The following AKAP12 variants were observed in gnomAD, a reference collection of about 807,000 sequenced individuals.
The protein encoded by AKAP12 is A-kinase anchoring protein 12, also known as A-kinase anchor protein 12.
In AKAP12, 32 loss-of-function variants were observed where a neutral mutation model predicts 79.9. The observed-to-expected ratio is 0.40, with a 90% CI of 0.30 to 0.54. The LOEUF (loss-of-function observed/expected upper bound fraction) is 0.54. Ranked by LOEUF, AKAP12 falls within the 20% of genes least tolerant of loss-of-function variation. The pLI, the probability that AKAP12 is intolerant of heterozygous loss-of-function variation, is 0.48. For synonymous variants in AKAP12, 808 were observed against 857.0 expected (o/e 0.94, Z 1.00); for missense variants, 2,074 against 2,177.0 (o/e 0.95, Z 0.94).
At chr6:151,306,570 A>G (rs1249446122) in intron 3 of AKAP12, among the ~76,000 whole-genome samples, 1 of 152,232 alleles carries the variant, frequency 6.6e-6, no homozygotes, top group African/African-American at 2.4e-5. Flanking sequence ...TATCAAATAT[A>G]TGTAAAATGA....
intron 2 of AKAP12, among the ~76,000 whole-genome samples, chr6:151,246,051 A>G (rs148978676): frequency 6.6e-6 from 1 of 152,354 alleles, no homozygotes; most frequent in African/African-American, 2.4e-5. Flanking sequence ...GATTTAACCA[A>G]TTCCTTGGGT....
At position 151,356,374 on chromosome 6, in the gene AKAP12, A is replaced by C. The variant is rs1778440476; in HGVS notation, c.*660A>C. ...CTAAAACTAAAAAGCATTTTGAAAC[A>C]TACAGAATGTTCTATTGTCATTGGG... On this transcript the variant is annotated 3_prime_UTR_variant, in exon 5 of 5. Transcript: ENST00000402676. The C allele has an allele frequency of 6.6e-6, 1 of 152,554 alleles. No homozygotes were observed. Among genetic ancestry groups the C allele is most frequent in the Non-Finnish European group, 1.5e-5 (1 of 68,050 alleles). The allele number at this position is 152,554 out of a possible 1,614,324, so 9.5% of individuals were successfully genotyped here. A position where few individuals can be genotyped will look rare whatever the true frequency, so the allele number is the denominator to read the frequency against.
At chr6:151,272,049 A>G (rs1776193926) in intron 2 of AKAP12, among the ~76,000 whole-genome samples, 2 of 152,184 alleles carry the variant, frequency 1.3e-5, no homozygotes, top group African/African-American at 4.8e-5. Context: ...TGCTTTAAAA[A>G]TTGGGTCCTG....
intron 3 of AKAP12, chr6:151,319,539 TAG>T (rs1448230143): frequency 5.1e-5 from 4 of 78,026 alleles, no homozygotes; most frequent in African/African-American, 2.9e-4. Context: ...TATATATATA[TAG>T]ATATAGATAT....
intron 3 of AKAP12, chr6:151,325,696 C>G: frequency 6.9e-7 from 1 of 1,453,626 alleles, no homozygotes; most frequent in Non-Finnish European, 9.0e-7. Flanking sequence ...GCGGCAGCTC[C>G]GAGGGCACCT....
At chr6:151,345,467 C>T (rs1393052770) in intron 3 of AKAP12, among the ~76,000 whole-genome samples, 1 of 72,962 alleles carries the variant, frequency 1.4e-5, no homozygotes, top group Non-Finnish European at 3.4e-5. Context: ...TTTTAATTGA[C>T]CTGTTTAGTA....
At position 151,290,409 on chromosome 6, in the gene AKAP12, T is replaced by A. The variant is rs75598337; in HGVS notation, c.163-15338T>A. 1.7e-3 allele frequency among the ~76,000 whole-genome samples: 261 copies of A among 152,102 alleles called. 1 individual carries two copies. Among genetic ancestry groups the A allele is most frequent in the African/African-American group, 6.1e-3 (254 of 41,470 alleles). On this transcript the variant is annotated intron_variant, in intron 2 of 4. Coordinates refer to ENST00000402676, the MANE Select transcript of AKAP12 (RefSeq NM_005100.4). ...ACCGTTATCTCATTCTCCTAGCACA[T>A]CCCTCACCCAACTACAGTCTTTCTC...
chr6:151,291,021 T>C (rs188817208), intron 2 of AKAP12, among the ~76,000 whole-genome samples: 1 of 152,284 alleles, frequency 6.6e-6, no homozygotes, highest in African/African-American at 2.4e-5. Context: ...AAACTCCCCC[T>C]CTCTGCACAT....
chr6:151,281,961 G>A (rs1245157692), intron 2 of AKAP12, among the ~76,000 whole-genome samples: 1 of 152,078 alleles, frequency 6.6e-6, no homozygotes, highest in African/African-American at 2.4e-5. Context: ...GCCTCCCAAA[G>A]CACTGGGTTT....
chr6:151,285,874 T>C (rs1487083201), intron 2 of AKAP12, among the ~76,000 whole-genome samples: 5 of 135,482 alleles, frequency 3.7e-5, no homozygotes, highest in African/African-American at 1.4e-4. Flanking sequence ...CTTCTGGAGG[T>C]GATAATTTTT....
intron 2 of AKAP12, among the ~76,000 whole-genome samples, chr6:151,274,330 T>C (rs1582848788): frequency 6.6e-6 from 1 of 152,204 alleles, no homozygotes; most frequent in East Asian, 1.9e-4. Context: ...CCACCTGCCT[T>C]GGTCTTCCAA....
intron 3 of AKAP12, among the ~76,000 whole-genome samples, chr6:151,320,680 T>C (rs1777358475): frequency 6.6e-6 from 1 of 152,162 alleles, no homozygotes; most frequent in African/African-American, 2.4e-5. Flanking sequence ...CTCACCTTCG[T>C]CACTACTGCA....
chr6:151,283,231 A>C (rs1234282349), intron 2 of AKAP12, among the ~76,000 whole-genome samples: 1 of 152,218 alleles, frequency 6.6e-6, no homozygotes, highest in Non-Finnish European at 1.5e-5. Flanking sequence ...AGGATATTGC[A>C]TTAAATCAAC....
At chr6:151,309,972 GAA>G (rs57958959) in intron 3 of AKAP12, among the ~76,000 whole-genome samples, 43,162 of 139,190 alleles carry the variant, frequency 0.31, 6,382 homozygotes, top group Admixed American at 0.37. Context: ...CCGAAAAGAT[GAA>G]AAAAAAAAAA....
At chr6:151,240,304 T>G (rs1347072811) in intron 1 of AKAP12, 80 bp from the exon 2 acceptor site, 1 of 345,640 alleles carries the variant, frequency 2.9e-6, no homozygotes, top group East Asian at 4.7e-5. Context: ...TGTGCTCATG[T>G]GATGAAGCGA....
At position 151,352,210 on chromosome 6, in the gene AKAP12, G is replaced by C. The variant is rs1778312741; in HGVS notation, c.3819G>C (p.Glu1273Asp). ...GTQEADQYADEKTKDVPFFEG... is the reference protein window; with the variant it reads ...GTQEADQYADDKTKDVPFFEG... ...AAGAGGCTGACCAGTATGCTGATGA[G>C]AAAACCAAAGACGTACCATTTTTCG... Residue 1273 changes from glutamate to aspartate, a missense_variant, in exon 4 of 5, where the codon GAG becomes GAC. Glu to Asp is a conservative substitution (Grantham distance 45). Transcript: ENST00000402676. 3.7e-6 allele frequency: 6 copies of C among 1,614,194 alleles called. No individual in the cohort carries two copies. The East Asian group carries it at 1.3e-4, about 36-fold the overall frequency.
intron 2 of AKAP12, among the ~76,000 whole-genome samples, chr6:151,259,436 A>G (rs1056840670): frequency 2.0e-5 from 3 of 149,328 alleles, no homozygotes; most frequent in Admixed American, 6.8e-5. Flanking sequence ...ATGTGTGTGT[A>G]TATATGTGTA....
chr6:151,266,840 A>G (rs1192669084), intron 2 of AKAP12, among the ~76,000 whole-genome samples: 3 of 151,990 alleles, frequency 2.0e-5, no homozygotes, highest in Non-Finnish European at 2.9e-5. Flanking sequence ...AATATGCAAA[A>G]CTGTATTCCA....
At chr6:151,260,960 C>T (rs9478188) in intron 2 of AKAP12, among the ~76,000 whole-genome samples, 7,726 of 151,930 alleles carry the variant, frequency 0.051, 243 homozygotes, top group African/African-American at 0.085. Context: ...CCACTGCACC[C>T]TGGAGCCCTG....
Sources: gnomAD v4.1 joint callset for allele counts (sites outside exome capture counted in the v4.1 genomes callset) on GRCh38, gnomAD v4.1.1 for gene constraint, MANE v1.5 for transcripts, NCBI Gene and HGNC (gene_info 2026-07-23, HGNC 2026-07-21) for gene names.